The following MAPKAP1 variants were observed in gnomAD, a reference collection of about 807,000 sequenced individuals.
MAPKAP1 encodes the protein target of rapamycin complex 2 subunit MAPKAP1.
In MAPKAP1, 20 loss-of-function variants were observed where a neutral mutation model predicts 65.7. The ratio of observed to expected loss-of-function variants is 0.30; its 90% CI spans 0.21 to 0.44. The LOEUF is 0.44. MAPKAP1 is among the 20% of genes least tolerant of loss of function. MAPKAP1 has a pLI of 1.00. For synonymous variants in MAPKAP1, 222 were observed against 244.3 expected (o/e 0.91, Z 0.85); for missense variants, 423 against 648.0 (o/e 0.65, Z 3.77).
chr9:125,702,871 A>C (rs959853959), intron 1 of MAPKAP1, among the ~76,000 whole-genome samples: 17 of 152,030 alleles, frequency 1.1e-4, no homozygotes, highest in African/African-American at 3.4e-4. Flanking sequence ...AAAAAAAAAA[A>C]AAACTAGCTA....
chr9:125,466,074 A>G (rs957364193), intron 10 of MAPKAP1, among the ~76,000 whole-genome samples: 1 of 152,150 alleles, frequency 6.6e-6, no homozygotes, highest in African/African-American at 2.4e-5. Context: ...TTTATTCTGT[A>G]AGCCTATTTC....
intron 4 of MAPKAP1, among the ~76,000 whole-genome samples, chr9:125,602,062 A>G (rs1327460362): frequency 1.3e-5 from 2 of 152,080 alleles, no homozygotes; most frequent in South Asian, 2.1e-4. Context: ...AGACCAGCCA[A>G]GGCAATATAA....
intron 1 of MAPKAP1, among the ~76,000 whole-genome samples, chr9:125,687,079 G>T (rs1002235619): frequency 1.2e-4 from 18 of 151,056 alleles, no homozygotes; most frequent in African/African-American, 4.4e-4. Flanking sequence ...GCCCGCCTCG[G>T]CCTCCCAAAG....
intron 10 of MAPKAP1, among the ~76,000 whole-genome samples, chr9:125,464,558 A>G (rs1054799332): frequency 2.0e-5 from 3 of 152,208 alleles, no homozygotes; most frequent in Non-Finnish European, 1.5e-5. Context: ...ATTCATATTT[A>G]TATGTACAAT....
chr9:125,647,659 A>G (rs1564600117), intron 4 of MAPKAP1, among the ~76,000 whole-genome samples: 3 of 152,160 alleles, frequency 2.0e-5, no homozygotes, highest in Non-Finnish European at 2.9e-5. Flanking sequence ...TAGTTTCTCC[A>G]CTTGATGGCC....
Position 125,657,780 on chromosome 9 carries a change from C to G in MAPKAP1, c.369G>C (p.Leu123=). The part of the protein sequence containing the change: ...SKQSAQELKS[L]FEKKSLKEKP... ...TCTCTTTGAGAGATTTTTTTTCAAACAGTGACTTTAACTCCTGGGCTGTGA... is the reference window on the plus strand; with the variant it reads ...TCTCTTTGAGAGATTTTTTTTCAAAGAGTGACTTTAACTCCTGGGCTGTGA... Residue 123 remains leucine, a synonymous_variant, in exon 4 of 12, where the codon CTG becomes CTC. Coordinates refer to ENST00000265960, the MANE Select transcript of MAPKAP1 (RefSeq NM_001006617.3). 1.9e-6 allele frequency: 3 copies of G among 1,613,790 alleles called. No individual in the cohort carries two copies. Among genetic ancestry groups the G allele is most frequent in the South Asian group, 1.1e-5 (1 of 91,048 alleles).
chr9:125,610,693 A>G (rs1300720145), intron 4 of MAPKAP1, among the ~76,000 whole-genome samples: 1 of 152,228 alleles, frequency 6.6e-6, no homozygotes, highest in Non-Finnish European at 1.5e-5. Flanking sequence ...CTCAGACTTT[A>G]TAAACATAAA....
In MAPKAP1 at chr9:125,439,089, G is replaced by A. The variant is rs1357141480; in HGVS notation, c.1444-77C>T. On this transcript the variant is annotated intron_variant, in intron 11 of 11. Transcript: ENST00000265960. The surrounding 1 kb of genome is among the most constrained non-coding windows in gnomAD (Gnocchi z 4.0). ...CCCAGGGCATCGGAGGGGGTGGCAG[G>A]GAAGGCCCTGACCTGGGCCGGGTGC... The A allele has an allele frequency of 6.4e-7, 1 of 1,567,008 alleles. No homozygotes were observed. Among genetic ancestry groups the A allele is most frequent in the Non-Finnish European group, 8.7e-7 (1 of 1,153,036 alleles).
Position 125,546,724 on chromosome 9 carries a change from CAGGAA to C in MAPKAP1, c.849-3561_849-3557del, listed in dbSNP as rs547807903. Among the ~76,000 whole-genome samples the C allele has an allele frequency of 2.4e-3, 359 of 152,136 alleles. 2 individuals carry two copies. The highest frequency in any genetic ancestry group is 8.4e-3 in the African/African-American group (349 of 41,512). On this transcript the variant is annotated intron_variant, in intron 6 of 11. Coordinates refer to ENST00000265960, the MANE Select transcript of MAPKAP1 (RefSeq NM_001006617.3). ...TCCTGGGGGGAGTGCTGGTAGTGGG[CAGGAA>C]AGGAAGGGTGCTCCTGGTCCTGGCC...
rs1172833872 is a variant in MAPKAP1, at chr9:125,439,194, C to A, written c.1444-182G>T. On this transcript the variant is annotated intron_variant, in intron 11 of 11. Transcript: ENST00000265960. This position sits in a 1 kb window ranked among gnomAD's most constrained non-coding sequence, Gnocchi z 4.0. ...AGCGGCTGGGCCCAGAGCCGCTGCT[C>A]TACGATGGGAAAACAGAGGCTTGGA... is the stretch of plus-strand genomic sequence containing the variant. Among the ~76,000 whole-genome samples the A allele has an allele frequency of 6.6e-6, 1 of 152,202 alleles. No individual in the cohort carries two copies. Among genetic ancestry groups the A allele is most frequent in the East Asian group, 1.9e-4 (1 of 5,182 alleles).
chr9:125,555,182 T>C (rs1830702329), intron 6 of MAPKAP1, among the ~76,000 whole-genome samples: 1 of 152,244 alleles, frequency 6.6e-6, no homozygotes, highest in Non-Finnish European at 1.5e-5. Flanking sequence ...TGCATGTATC[T>C]AAGTAGCATT....
Position 125,595,778 on chromosome 9 carries a change from G to A in MAPKAP1, c.499-10051C>T, listed in dbSNP as rs1832106493. The A allele has an allele frequency of 1.6e-6, 2 of 1,216,396 alleles. No individual in the cohort carries two copies. Among genetic ancestry groups the A allele is most frequent in the African/African-American group, 1.5e-5 (1 of 67,406 alleles). 75.4% of individuals were successfully genotyped at this position (1,216,396 alleles called of 1,614,324 possible). A position where few individuals can be genotyped will look rare whatever the true frequency, so the allele number is the denominator to read the frequency against. On this transcript the variant is annotated intron_variant, in intron 4 of 11. Coordinates refer to ENST00000265960, the MANE Select transcript of MAPKAP1 (RefSeq NM_001006617.3). The surrounding 1 kb of genome is among the most constrained non-coding windows in gnomAD (Gnocchi z 4.0). ...CAAGAGGAGCCATTGTGAGCAATGG[G>A]GAACGCTCCCAGACTGTGTGGTAAT... is the stretch of plus-strand genomic sequence containing the variant.
intron 8 of MAPKAP1, among the ~76,000 whole-genome samples, chr9:125,505,736 T>C (rs1829120932): frequency 2.0e-5 from 3 of 152,214 alleles, no homozygotes; most frequent in South Asian, 4.1e-4. Flanking sequence ...GAAGCAGGAA[T>C]GACTACAGAC....
At chr9:125,576,709 C>T (rs1252292684) in intron 5 of MAPKAP1, among the ~76,000 whole-genome samples, 4 of 152,220 alleles carry the variant, frequency 2.6e-5, no homozygotes, top group South Asian at 2.1e-4. Context: ...TTGGTGGAGA[C>T]GGGGTTTCGC....
intron 4 of MAPKAP1, among the ~76,000 whole-genome samples, chr9:125,590,076 G>GCT (rs1198621085): frequency 6.6e-6 from 1 of 152,094 alleles, no homozygotes; most frequent in Non-Finnish European, 1.5e-5. Context: ...GCTTGTCATT[G>GCT]CTCTCTCTTT....
chr9:125,463,899 A>G (rs886084620), intron 10 of MAPKAP1, among the ~76,000 whole-genome samples: 1 of 152,200 alleles, frequency 6.6e-6, no homozygotes, highest in Non-Finnish European at 1.5e-5. Context: ...TAAAGACTCT[A>G]AACCTGCACA....
intron 1 of MAPKAP1, among the ~76,000 whole-genome samples, chr9:125,683,873 A>G (rs1834895818): frequency 6.6e-6 from 1 of 152,242 alleles, no homozygotes; most frequent in Non-Finnish European, 1.5e-5. Context: ...ATGCAATTTC[A>G]CTACCTCTTC....
chr9:125,562,123 G>T (rs909814479), intron 5 of MAPKAP1, among the ~76,000 whole-genome samples: 4 of 152,064 alleles, frequency 2.6e-5, no homozygotes, highest in African/African-American at 9.7e-5. Context: ...GAGGTTCAGG[G>T]GCAAATAATA....
At chr9:125,493,579 G>A (rs1406362088) in intron 8 of MAPKAP1, among the ~76,000 whole-genome samples, 1 of 152,184 alleles carries the variant, frequency 6.6e-6, no homozygotes, top group Non-Finnish European at 1.5e-5. Context: ...CCTGAGGTTT[G>A]TACACCACCC....
Sources: gnomAD v4.1 joint callset for allele counts (sites outside exome capture counted in the v4.1 genomes callset) on GRCh38, gnomAD v4.1.1 for gene constraint, Gnocchi (gnomAD v3.1) non-coding constraint, MANE v1.5 for transcripts, NCBI Gene and HGNC (gene_info 2026-07-23, HGNC 2026-07-21) for gene names.